Variants in ATM observed in about 807,000 individuals in gnomAD.
ATM encodes the protein ATM serine/threonine kinase.
A neutral mutation model predicts 387.0 loss-of-function variants in ATM; 308 were observed. That is an observed-to-expected ratio of 0.80 (90% CI 0.73 to 0.87). The LOEUF (loss-of-function observed/expected upper bound fraction) is 0.87, where lower values mean the gene tolerates loss of function less well. ATM is among the 40% of genes least tolerant of loss of function. The probability of loss-of-function intolerance (pLI) is 0.00; values close to 1 mark genes in which losing one functional copy is unlikely to be tolerated. For synonymous variants in ATM, 1,156 were observed against 1,187.3 expected (o/e 0.97, Z 0.54); for missense variants, 3,312 against 3,560.9 (o/e 0.93, Z 1.78).
chr11:108,345,917 C>CT lies in ATM; in HGVS notation c.8584+11dup. The CT allele has an allele frequency of 1.2e-6, 2 of 1,613,420 alleles. No homozygotes were observed. The highest frequency in any genetic ancestry group is 1.7e-6 in the Non-Finnish European group (2 of 1,179,578). On this transcript the variant is annotated intron_variant, in intron 58 of 62. Transcript: ENST00000675843. ...AGCTACTTCTTCTATTGGTAATCTT[C>CT]TTGTACATATAGTAGATTGAGCACT...
At chr11:108,346,136 A>C (rs1217219280) in intron 58 of ATM, among the ~76,000 whole-genome samples, 1 of 152,152 alleles carries the variant, frequency 6.6e-6, no homozygotes, top group Non-Finnish European at 1.5e-5. Flanking sequence ...TACTTCAATA[A>C]ATAATAAAAA....
Position 108,289,046 on chromosome 11 carries a change from C to G in ATM, c.4179C>G (p.Ile1393Met), listed in dbSNP as rs775688446. ...TGATTAAAGCAACATTTGCCTATAT[C>G]AGCAATTGTCATAAAACCAAGTTAA... ...SHVIKATFAYISNCHKTKLKS... is the reference protein window; with the variant it reads ...SHVIKATFAYMSNCHKTKLKS... The change falls in exon 28 of 63, where the codon ATC becomes ATG. Residue 1393 changes from isoleucine (I) to methionine (M), a missense_variant. By Grantham distance (10) the Ile-to-Met change is conservative (BLOSUM62 1). Coordinates refer to ENST00000675843, the MANE Select transcript of ATM (RefSeq NM_000051.4). 1 of 1,612,576 alleles carries G rather than the reference C, an allele frequency of 6.2e-7. No homozygotes were observed. Among genetic ancestry groups the G allele is most frequent in the Non-Finnish European group, 8.5e-7 (1 of 1,178,928 alleles).
At chr11:108,354,416 A>G (rs1398212526) in intron 60 of ATM, among the ~76,000 whole-genome samples, 1 of 152,180 alleles carries the variant, frequency 6.6e-6, no homozygotes, top group African/African-American at 2.4e-5. Flanking sequence ...CTAGTATAAC[A>G]TTGTGCTACT....
intron 32 of ATM, 132 bp from the exon 33 acceptor site, chr11:108,297,155 C>A: frequency 1.5e-6 from 1 of 677,470 alleles, no homozygotes; most frequent in Non-Finnish European, 2.5e-6. Flanking sequence ...ATTTTTTGAG[C>A]TACTCATGAC....
At chr11:108,313,366 C>T (rs1273625918) in intron 40 of ATM, among the ~76,000 whole-genome samples, 2 of 152,198 alleles carry the variant, frequency 1.3e-5, no homozygotes, top group Non-Finnish European at 2.9e-5. Context: ...TCCTTCCTCT[C>T]ACAGACAAAC....
Position 108,316,012 on chromosome 11 carries a change from C to T in ATM, c.6097C>T (p.Leu2033=), listed in dbSNP as rs769813736. Residue 2033 remains leucine, a splice_region_variant and synonymous_variant, in exon 42 of 63, where the codon CTA becomes TTA. Coordinates refer to ENST00000675843, the MANE Select transcript of ATM (RefSeq NM_000051.4). ...GGKMLQPITR[L]RTYEHEAMWG... The stretch of plus-strand genomic sequence containing the variant: ...TATTTTCACAATCTTTTCTTATAGA[C>T]TACGAACATATGAACACGAAGCAAT... 6.2e-6 allele frequency: 10 copies of T among 1,613,874 alleles called. No homozygotes were observed. Among genetic ancestry groups the T allele is most frequent in the African/African-American group, 1.3e-5 (1 of 74,900 alleles).
chr11:108,302,770 G>T, intron 35 of ATM, 83 bp from the exon 36 acceptor site: 2 of 1,304,534 alleles, frequency 1.5e-6, no homozygotes, highest in Non-Finnish European at 2.2e-6. Flanking sequence ...TATTCAGAAA[G>T]ATTTGTTATA....
chr11:108,359,706 T>A (rs1457199665), intron 61 of ATM, among the ~76,000 whole-genome samples: 1 of 151,840 alleles, frequency 6.6e-6, no homozygotes, highest in African/African-American at 2.4e-5. Context: ...ACTGGATACA[T>A]AATGAAATGA....
At chr11:108,362,830 G>A (rs1480412440) in intron 61 of ATM, among the ~76,000 whole-genome samples, 1 of 149,006 alleles carries the variant, frequency 6.7e-6, no homozygotes, top group African/African-American at 2.5e-5. Flanking sequence ...GGATAGCATT[G>A]GGAGATATAC....
rs371067508 is a variant in ATM at position 108,256,167 on chromosome 11, T to C, written c.2125-48T>C. The C allele has an allele frequency of 1.7e-3, 2,401 of 1,449,406 alleles. 5 individuals are homozygous for C. Among genetic ancestry groups the C allele is most frequent in the Non-Finnish European group, 2.1e-3 (2,287 of 1,077,634 alleles). 89.8% of individuals were successfully genotyped at this position (1,449,406 alleles called of 1,614,324 possible). A position where few individuals can be genotyped will look rare whatever the true frequency, so the allele number is the denominator to read the frequency against. The stretch of plus-strand genomic sequence containing the variant: ...TGTTCTTACAAAAGATAGAGTATAC[T>C]AAATTATTTATGAAATATATATATT... On this transcript the variant is annotated intron_variant, in intron 13 of 62. Transcript: ENST00000675843.
rs1337091568 is a variant in ATM, at chr11:108,325,563, T to G, written c.6807+19T>G. 6.4e-7 allele frequency: 1 copy of G among 1,554,146 alleles called. No individual in the cohort carries two copies. Among genetic ancestry groups the G allele is most frequent in the African/African-American group, 1.4e-5 (1 of 73,736 alleles). ...CACTCAGGTAAATACAATTTAAAACTATGTCATCTTACCTCTTGACTTTCC... is the reference window on the plus strand; with the variant it reads ...CACTCAGGTAAATACAATTTAAAACGATGTCATCTTACCTCTTGACTTTCC... On this transcript the variant is annotated intron_variant, in intron 46 of 62. Transcript: ENST00000675843.
intron 16 of ATM, among the ~76,000 whole-genome samples, chr11:108,260,683 G>A (rs1425839512): frequency 6.6e-6 from 1 of 152,208 alleles, no homozygotes; most frequent in Non-Finnish European, 1.5e-5. Context: ...CTCCCAGCGT[G>A]AACGACGCAG....
At chr11:108,321,515 G>T (rs1565511888) in intron 45 of ATM, 95 bp downstream of exon 45, 1 of 1,557,334 alleles carries the variant, frequency 6.4e-7, no homozygotes, top group East Asian at 2.3e-5. Context: ...GGGCACGGTG[G>T]CTCATGCCTG....
At chr11:108,233,569 CAAAAA>C (rs531411723) in intron 4 of ATM, among the ~76,000 whole-genome samples, 2 of 50,908 alleles carry the variant, frequency 3.9e-5, no homozygotes, top group Non-Finnish European at 8.2e-5. Flanking sequence ...ATCCTGTGTC[CAAAAA>C]AAAAAAAAAA....
At chr11:108,247,148 C>A in intron 8 of ATM, 21 bp downstream of exon 8, 1 of 1,612,478 alleles carries the variant, frequency 6.2e-7, no homozygotes, top group South Asian at 1.1e-5. Context: ...TAGGTCATGT[C>A]ACATTTAGAA....
Position 108,257,592 on chromosome 11 carries a change from A to C in ATM, c.2362A>C (p.Ser788Arg), listed in dbSNP as rs641252. 777 of 1,613,806 alleles carry C rather than the reference A, an allele frequency of 4.8e-4. 5 individuals are homozygous for C. In the African/African-American group the frequency reaches 9.5e-3, roughly 20 times the overall value. ...NMMQLCTRCL[S>R]NCTKKSPNKI... ...GATGCAGCTATGTACACGTTGCTTG[A>C]GCAACTGTACCAAGGTAAGATTTTC... is the stretch of plus-strand genomic sequence containing the variant. The change falls in exon 15 of 63, where the codon AGC becomes CGC. Residue 788 changes from serine to arginine, a missense_variant. By Grantham distance (110) the Ser-to-Arg change is moderately radical. This residue lies in a region of ATM where 1,791 missense variants were observed against 1,804.5 expected (regional missense o/e 0.99). Coordinates refer to ENST00000675843, the MANE Select transcript of ATM (RefSeq NM_000051.4).
At chr11:108,238,900 T>G (rs985906825) in intron 5 of ATM, among the ~76,000 whole-genome samples, 1 of 152,204 alleles carries the variant, frequency 6.6e-6, no homozygotes, top group East Asian at 1.9e-4. Flanking sequence ...TGTGTAATCA[T>G]CTCCACCATC....
At position 108,343,257 on chromosome 11, in the gene ATM, A is replaced by G. The variant is rs756686570; in HGVS notation, c.8304A>G (p.Glu2768=). ...VPLSQRSGVL[E]WCTGTVPIGE... ...TCTCTCAGCGAAGTGGTGTTCTTGA[A>G]TGGTGCACAGGAACTGTCCCCATTG... is the stretch of plus-strand genomic sequence containing the variant. Residue 2768 remains glutamate, a synonymous_variant, in exon 57 of 63, where the codon GAA becomes GAG. Coordinates refer to ENST00000675843, the MANE Select transcript of ATM (RefSeq NM_000051.4). 4 of 1,614,016 alleles carry G rather than the reference A, an allele frequency of 2.5e-6. No homozygotes were observed. The South Asian group carries it at 3.3e-5, about 13-fold the overall frequency.
intron 16 of ATM, among the ~76,000 whole-genome samples, chr11:108,265,715 A>C (rs1431650892): frequency 1.4e-5 from 2 of 143,658 alleles, no homozygotes; most frequent in African/African-American, 2.6e-5. Flanking sequence ...AATGGGAGAA[A>C]ATTTTCGCAA....
Sources: allele counts gnomAD v4.1 joint callset (sites outside exome capture counted in the v4.1 genomes callset), GRCh38; gene constraint gnomAD v4.1.1; regional missense constraint gnomAD v4.1.1; transcripts MANE v1.5; gene names NCBI Gene and HGNC (gene_info 2026-07-23, HGNC 2026-07-21).